Variants in SI observed in about 807,000 individuals in gnomAD.
SI encodes sucrase-isomaltase.
Under a neutral mutation model 253.3 loss-of-function variants are expected in SI, and 235 were observed. The observed-to-expected ratio is 0.93, with a 90% CI of 0.83 to 1.03. The LOEUF (loss-of-function observed/expected upper bound fraction) is 1.03. Ranked by LOEUF, SI falls within the 50% of genes least tolerant of loss-of-function variation. SI has a pLI of 0.00. For missense variants in SI, 2,442 were observed against 2,211.1 expected, an observed-to-expected ratio of 1.10 and a Z score of -2.09; for synonymous variants, 819 against 712.0, an observed-to-expected ratio of 1.15 and a Z score of -2.39.
In SI at chr3:165,047,007, A is replaced by ACAGC. The variant is rs1273409266; in HGVS notation, c.1717_1720dup (p.Val574GlyfsTer8). 2.5e-6 allele frequency: 4 copies of ACAGC among 1,599,134 alleles called. No homozygotes were observed. ...TCTCTTATTAGGAAAAACTTTTTGT[A>ACAGC]CAGCTCTAAAAATAAAACCAAATTA... is the stretch of plus-strand genomic sequence containing the variant. On this transcript the variant is annotated frameshift_variant, in exon 16 of 48. Transcript: ENST00000264382. LOFTEE classifies it high-confidence loss of function.
At chr3:165,080,290 G>A (rs1273884685), upstream of SI, among the ~76,000 whole-genome samples, 2 of 151,992 alleles carry the variant, frequency 1.3e-5, no homozygotes, top group Admixed American at 6.6e-5. Context: ...ATTCTTTCCA[G>A]CTTTCCACAT....
chr3:165,000,782 A>C (rs769033937), intron 37 of SI, among the ~76,000 whole-genome samples: 17 of 151,420 alleles, frequency 1.1e-4, no homozygotes, highest in Non-Finnish European at 1.9e-4. Flanking sequence ...AGTCACAATT[A>C]ACTTAGTTTA....
At chr3:165,080,982 C>A (rs922415279), upstream of SI, among the ~76,000 whole-genome samples, 1 of 151,916 alleles carries the variant, frequency 6.6e-6, no homozygotes, top group South Asian at 2.1e-4. Context: ...TATTTCGTAT[C>A]GTTATCTCCC....
intron 12 of SI, among the ~76,000 whole-genome samples, chr3:165,056,129 T>C (rs73877394): frequency 6.6e-6 from 1 of 152,194 alleles, no homozygotes; most frequent in Non-Finnish European, 1.5e-5. Context: ...TAAATTATAT[T>C]GTTTTGTATC....
Position 164,999,907 on chromosome 3 carries a change from A to G in SI, c.4407-1234T>C, listed in dbSNP as rs531916251. On this transcript the variant is annotated intron_variant, in intron 37 of 47. Transcript: ENST00000264382. The stretch of plus-strand genomic sequence containing the variant: ...CTACTTCTAAATTGTCACTCTTTTA[A>G]AAAACCAATAAAAGAAAATGATCTT... 2.0e-5 allele frequency among the ~76,000 whole-genome samples: 3 copies of G among 151,788 alleles called. No homozygotes were observed. The South Asian group carries it at 6.2e-4, about 31-fold the overall frequency.
chr3:165,032,733 G>C (rs563909080), intron 23 of SI, 41 bp from the exon 24 acceptor site: 1 of 1,345,506 alleles, frequency 7.4e-7, no homozygotes, highest in African/African-American at 1.5e-5. Context: ...TAGGTCATCA[G>C]ATACAAACCT....
At chr3:165,045,508 A>T (rs1713056033) in intron 16 of SI, among the ~76,000 whole-genome samples, 1 of 151,938 alleles carries the variant, frequency 6.6e-6, no homozygotes, top group African/African-American at 2.4e-5. Context: ...CTATTTTATT[A>T]AAAGTTTTGA....
intron 15 of SI, 111 bp downstream of exon 15, chr3:165,049,016 T>C (rs1713285087): frequency 3.9e-6 from 2 of 517,474 alleles, no homozygotes; most frequent in Admixed American, 5.8e-5. Flanking sequence ...TAAAATATTA[T>C]CTTTCTTTTT....
At chr3:165,030,967 A>C in intron 24 of SI, 100 bp from the exon 25 acceptor site, 1 of 1,430,796 alleles carries the variant, frequency 7.0e-7, no homozygotes, top group Non-Finnish European at 9.2e-7. Flanking sequence ...TTAAAAAAAC[A>C]TTTTACATTT....
intron 25 of SI, among the ~76,000 whole-genome samples, chr3:165,024,517 C>A (rs1711799360): frequency 6.6e-6 from 1 of 151,046 alleles, no homozygotes; most frequent in Admixed American, 6.6e-5. Flanking sequence ...AAGAAAGGGG[C>A]CTAAGCTGAC....
chr3:165,018,738 T>A (rs796608955), intron 28 of SI, among the ~76,000 whole-genome samples: 1 of 151,470 alleles, frequency 6.6e-6, no homozygotes, highest in Non-Finnish European at 1.5e-5. Flanking sequence ...ATATCAAGAA[T>A]CAAAAGTATA....
chr3:164,998,730 A>G, intron 37 of SI, 57 bp from the exon 38 acceptor site: 1 of 1,416,120 alleles, frequency 7.1e-7, no homozygotes, highest in Non-Finnish European at 1.0e-6. Context: ...CTCCAAATAT[A>G]TCTACTTACG....
chr3:165,015,351 A>G, intron 32 of SI, 118 bp from the exon 33 acceptor site: 1 of 724,888 alleles, frequency 1.4e-6, no homozygotes. Flanking sequence ...CTCTCACATT[A>G]AATGACAAAT....
chr3:165,086,189 G>T, the SI span, among the ~76,000 whole-genome samples: 1 of 152,070 alleles, frequency 6.6e-6, no homozygotes, highest in Non-Finnish European at 1.5e-5. Flanking sequence ...AGGAAGCAGA[G>T]GTTGCAGTGA....
intron 37 of SI, among the ~76,000 whole-genome samples, chr3:165,004,669 A>C (rs1175231999): frequency 6.6e-6 from 1 of 152,210 alleles, no homozygotes; most frequent in African/African-American, 2.4e-5. Flanking sequence ...AAGTCATTAA[A>C]TGTTAAATGA....
intron 34 of SI, among the ~76,000 whole-genome samples, 198 bp downstream of exon 34, chr3:165,012,782 A>G (rs1718830440): frequency 6.6e-6 from 1 of 152,152 alleles, no homozygotes; most frequent in African/African-American, 2.4e-5. Context: ...GCAAAATATA[A>G]AATTGCTTAA....
At chr3:165,071,748 A>T (rs1163156367) in intron 3 of SI, among the ~76,000 whole-genome samples, 1 of 152,104 alleles carries the variant, frequency 6.6e-6, no homozygotes, top group Non-Finnish European at 1.5e-5. Flanking sequence ...CTCTCTGTGC[A>T]CGAAGAGGAA....
Position 165,033,441 on chromosome 3 carries a change from G to T in SI, c.2519C>A (p.Thr840Lys). ...TAATATGTAGTTGCCATTTTGTATT[G>T]TATCTGAAATGAAAAATATCGTGAT... is the stretch of plus-strand genomic sequence containing the variant. ...FFWDDGETKD[T>K]IQNGNYILYT... The change falls in exon 23 of 48, where the codon ACA becomes AAA. Residue 840 changes from threonine to lysine, a missense_variant. Coordinates refer to ENST00000264382, the MANE Select transcript of SI (RefSeq NM_001041.4). 6.5e-7 allele frequency: 1 copy of T among 1,538,034 alleles called. No homozygotes were observed. Among genetic ancestry groups the T allele is most frequent in the Non-Finnish European group, 8.8e-7 (1 of 1,138,294 alleles).
intron 22 of SI, among the ~76,000 whole-genome samples, chr3:165,035,792 T>A (rs539859341): frequency 4.0e-5 from 6 of 151,672 alleles, no homozygotes; most frequent in Non-Finnish European, 8.9e-5. Flanking sequence ...AAATTGTAAG[T>A]GAATAGTTAA....
Sources: allele counts gnomAD v4.1 joint callset (sites outside exome capture counted in the v4.1 genomes callset), GRCh38; gene constraint gnomAD v4.1.1; transcripts MANE v1.5; gene names NCBI Gene and HGNC (gene_info 2026-07-23, HGNC 2026-07-21).